PSMD1: variants seen among roughly 807,000 people sequenced by gnomAD.
The protein encoded by PSMD1 is proteasome 26S subunit, non-ATPase 1, also known as 26S proteasome non-ATPase regulatory subunit 1.
In PSMD1, 18 loss-of-function variants were observed where a neutral mutation model predicts 119.0. That is an observed-to-expected ratio of 0.15 (90% confidence interval 0.10 to 0.22). The LOEUF is 0.22. Among genes scored for constraint, PSMD1 ranks in the 10% least tolerant of loss-of-function variants. The pLI, the probability that PSMD1 is intolerant of heterozygous loss-of-function variation, is 1.00. For synonymous variants in PSMD1, 374 were observed against 396.6 expected, an observed-to-expected ratio of 0.94 and a Z score of 0.68; for missense variants, 702 against 1,158.5, an observed-to-expected ratio of 0.61 and a Z score of 5.72.
At chr2:231,089,170 G>GT (rs1694525024) in intron 16 of PSMD1, among the ~76,000 whole-genome samples, 1 of 152,200 alleles carries the variant, frequency 6.6e-6, no homozygotes, top group African/African-American at 2.4e-5. Context: ...ATGAAGTTTG[G>GT]GGAAAGAAGC....
intron 16 of PSMD1, among the ~76,000 whole-genome samples, chr2:231,099,944 A>G (rs994300316): frequency 6.6e-6 from 1 of 152,142 alleles, no homozygotes. Context: ...GCACAGAGTC[A>G]TCGCTGCAGT....
intron 12 of PSMD1, among the ~76,000 whole-genome samples, chr2:231,081,304 AAAAACAAAAC>A (rs549526790): frequency 9.9e-5 from 15 of 152,140 alleles, no homozygotes; most frequent in South Asian, 4.1e-4. Context: ...ATGGTTACAA[AAAAACAAAAC>A]AAAACAAAAC....
At chr2:231,058,080 C>T (rs1693654656) in intron 1 of PSMD1, among the ~76,000 whole-genome samples, 1 of 152,228 alleles carries the variant, frequency 6.6e-6, no homozygotes, top group South Asian at 2.1e-4. Flanking sequence ...ATTTGAAGAG[C>T]TGTCACTTGT....
At chr2:231,113,553 G>A (rs190721471) in intron 16 of PSMD1, among the ~76,000 whole-genome samples, 71 of 152,352 alleles carry the variant, frequency 4.7e-4, no homozygotes, top group African/African-American at 1.6e-3. Context: ...TTTACCAACA[G>A]TATGTTTTAG....
At chr2:231,107,817 G>A (rs1448324333) in intron 16 of PSMD1, among the ~76,000 whole-genome samples, 1 of 152,186 alleles carries the variant, frequency 6.6e-6, no homozygotes, top group Admixed American at 6.5e-5. Flanking sequence ...ATGTGGTTCA[G>A]GTACCCAAGA....
intron 17 of PSMD1, among the ~76,000 whole-genome samples, chr2:231,141,134 C>T (rs1696097895): frequency 1.3e-5 from 2 of 152,112 alleles, no homozygotes; most frequent in Non-Finnish European, 2.9e-5. Flanking sequence ...ATGGCAAGAG[C>T]CTGTCTCTAC....
intron 1 of PSMD1, among the ~76,000 whole-genome samples, chr2:231,059,800 A>G (rs1377891372): frequency 6.6e-6 from 1 of 152,232 alleles, no homozygotes; most frequent in African/African-American, 2.4e-5. Context: ...TAGCATCCTT[A>G]GGCCTTTCCC....
intron 16 of PSMD1, among the ~76,000 whole-genome samples, chr2:231,127,225 G>A (rs1368353608): frequency 6.7e-6 from 1 of 149,452 alleles, no homozygotes; most frequent in African/African-American, 2.5e-5. Context: ...AGGTGGACAA[G>A]CACTTTGATA....
intron 23 of PSMD1, 131 bp downstream of exon 23, chr2:231,166,148 C>A: frequency 3.1e-6 from 3 of 969,726 alleles, no homozygotes; most frequent in Non-Finnish European, 2.9e-6. Context: ...AATTATTTAA[C>A]AAAAGAGAGA....
At chr2:231,111,344 A>C (rs1695150174) in intron 16 of PSMD1, among the ~76,000 whole-genome samples, 1 of 152,136 alleles carries the variant, frequency 6.6e-6, no homozygotes, top group African/African-American at 2.4e-5. Flanking sequence ...TAGTTCATTC[A>C]TTCATCTCAG....
intron 22 of PSMD1, among the ~76,000 whole-genome samples, 189 bp downstream of exon 22, chr2:231,165,475 T>A (rs1696756185): frequency 6.6e-6 from 1 of 152,052 alleles, no homozygotes; most frequent in Non-Finnish European, 1.5e-5. Flanking sequence ...GTGGGAAGAA[T>A]AGAAGGGTAC....
chr2:231,108,813 T>G, intron 16 of PSMD1: 5 of 1,614,162 alleles, frequency 3.1e-6, no homozygotes, highest in Non-Finnish European at 4.2e-6. Flanking sequence ...AATGTCTTAT[T>G]GAAGAGGGTG....
At chr2:231,138,176 T>C (rs1462817624) in intron 16 of PSMD1, among the ~76,000 whole-genome samples, 2 of 152,350 alleles carry the variant, frequency 1.3e-5, no homozygotes, top group East Asian at 3.9e-4. Context: ...GTTGCAAATA[T>C]GGAGAGAATG....
chr2:231,070,066 C>T lies in PSMD1; in HGVS notation c.552C>T (p.Cys184=). 1.3e-6 allele frequency: 2 copies of T among 1,550,982 alleles called. No individual in the cohort carries two copies. Among genetic ancestry groups the T allele is most frequent in the South Asian group, 1.2e-5 (1 of 80,840 alleles). Residue 184 remains cysteine, a synonymous_variant, in exon 6 of 25, where the codon TGC becomes TGT. Coordinates refer to ENST00000308696, the MANE Select transcript of PSMD1 (RefSeq NM_002807.4). The part of the protein sequence containing the change: ...PGMLAYSLKL[C]MSLMQNKQFR... ...TGTTAGCTTATAGCCTTAAGCTCTG[C>T]ATGTCTTTAATGCAGAATAAACAGT...
Position 231,170,853 on chromosome 2 carries a change from T to C in PSMD1, c.*9+132T>C. 1.0e-6 allele frequency: 1 copy of C among 986,346 alleles called. No homozygotes were observed. 61.1% of individuals were successfully genotyped at this position (986,346 alleles called of 1,614,324 possible). A position where few individuals can be genotyped will look rare whatever the true frequency, so the allele number is the denominator to read the frequency against. On this transcript the variant is annotated intron_variant, in intron 24 of 24. Coordinates refer to ENST00000308696, the MANE Select transcript of PSMD1 (RefSeq NM_002807.4). The surrounding 1 kb of genome is among the most constrained non-coding windows in gnomAD (Gnocchi z 4.1). ...TTATTTACCTAAACAGTATTAAAACTTCCCCGTTTCAACCTTTTTCTGCAT... is the reference window on the plus strand; with the variant it reads ...TTATTTACCTAAACAGTATTAAAACCTCCCCGTTTCAACCTTTTTCTGCAT...
intron 4 of PSMD1, 46 bp downstream of exon 4, chr2:231,062,721 C>A: frequency 6.9e-7 from 1 of 1,440,654 alleles, no homozygotes; most frequent in Non-Finnish European, 9.2e-7. Context: ...CGGCTTCTTT[C>A]TTGCTGTAGT....
At chr2:231,104,646 A>G (rs1694938425) in intron 16 of PSMD1, among the ~76,000 whole-genome samples, 1 of 152,176 alleles carries the variant, frequency 6.6e-6, no homozygotes, top group Admixed American at 6.5e-5. Flanking sequence ...AGGAAATTGA[A>G]TTCCAAAATG....
chr2:231,115,433 A>G (rs900906049), intron 16 of PSMD1, among the ~76,000 whole-genome samples: 9 of 152,182 alleles, frequency 5.9e-5, no homozygotes, highest in Admixed American at 5.9e-4. Context: ...TAGGAACAAA[A>G]TAACAAAATC....
intron 5 of PSMD1, among the ~76,000 whole-genome samples, chr2:231,068,516 C>T (rs754471788): frequency 7.2e-4 from 109 of 152,286 alleles, no homozygotes; most frequent in Non-Finnish European, 1.3e-3. Flanking sequence ...GTTTCAGTTA[C>T]CTGCAGTCAA....
Sources: gnomAD v4.1 joint callset for allele counts (sites outside exome capture counted in the v4.1 genomes callset) on GRCh38, gnomAD v4.1.1 for gene constraint, Gnocchi (gnomAD v3.1) non-coding constraint, MANE v1.5 for transcripts, NCBI Gene and HGNC (gene_info 2026-07-23, HGNC 2026-07-21) for gene names.